TRPC7: variants seen among roughly 807,000 people sequenced by gnomAD.
The protein encoded by TRPC7 is transient receptor potential cation channel subfamily C member 7, also known as short transient receptor potential channel 7.
TRPC7 carries 42 observed loss-of-function variants against 90.1 expected under a neutral mutation model. The observed-to-expected ratio is 0.47, with a 90% confidence interval of 0.36 to 0.60. The LOEUF (loss-of-function observed/expected upper bound fraction) is 0.60. Ranked by LOEUF, TRPC7 falls within the 20% of genes least tolerant of loss-of-function variation. The probability of loss-of-function intolerance (pLI) is 0.00; values close to 1 mark genes in which losing one functional copy is unlikely to be tolerated. For missense variants in TRPC7, 955 were observed against 1,112.3 expected (o/e 0.86, Z 2.01); for synonymous variants, 451 against 436.3 (o/e 1.03, Z -0.42).
intron 3 of TRPC7, among the ~76,000 whole-genome samples, chr5:136,310,223 C>G (rs866057942): frequency 3.5e-4 from 54 of 152,288 alleles, no homozygotes; most frequent in African/African-American, 1.1e-3. Flanking sequence ...CCCTCCCCAC[C>G]TCAGAGGGAA....
intron 2 of TRPC7, among the ~76,000 whole-genome samples, chr5:136,339,961 G>A (rs991922408): frequency 1.6e-5 from 2 of 127,794 alleles, no homozygotes; most frequent in Non-Finnish European, 3.6e-5. Context: ...GAACTCAGGT[G>A]CATTAAAAAA....
chr5:136,216,132 A>G, intron 11 of TRPC7, 68 bp downstream of exon 11: 1 of 1,310,028 alleles, frequency 7.6e-7, no homozygotes, highest in Non-Finnish European at 1.1e-6. Flanking sequence ...CTGTGGCCGT[A>G]GCCCAGTGAG....
At position 136,274,760 on chromosome 5, in the gene TRPC7, A is replaced by G; in HGVS notation, c.1041T>C (p.Ser347=). Reference sequence around the variant, plus strand: ...AGACAGCCAGGAATTTCACAGCGATAGACTGTTGACGTAAGCCTGAGAGAT... The same window carrying G: ...AGACAGCCAGGAATTTCACAGCGATGGACTGTTGACGTAAGCCTGAGAGAT... ...YENLSGLRQQ[S]IAVKFLAVFG... Residue 347 remains serine (S), a synonymous_variant, in exon 4 of 12, where the codon TCT becomes TCC. Transcript: ENST00000513104. 6.2e-7 allele frequency: 1 copy of G among 1,610,112 alleles called. No individual in the cohort carries two copies. The highest frequency in any genetic ancestry group is 8.5e-7 in the Non-Finnish European group (1 of 1,178,272).
At chr5:136,345,210 A>G (rs569627884) in intron 2 of TRPC7, among the ~76,000 whole-genome samples, 1 of 152,220 alleles carries the variant, frequency 6.6e-6, no homozygotes. Context: ...TATAGTATTA[A>G]TTCAAATTTT....
At chr5:136,283,270 C>A (rs543554422) in intron 3 of TRPC7, among the ~76,000 whole-genome samples, 68 of 152,344 alleles carry the variant, frequency 4.5e-4, no homozygotes, top group Non-Finnish European at 8.8e-4. Flanking sequence ...GCTTTCTTTG[C>A]AAAGGCAGTT....
chr5:136,325,035 G>A (rs771799964), intron 2 of TRPC7, among the ~76,000 whole-genome samples: 3 of 149,522 alleles, frequency 2.0e-5, no homozygotes, highest in Non-Finnish European at 4.4e-5. Flanking sequence ...GTAAACCTGG[G>A]AGATATTTCT....
chr5:136,317,671 G>GA (rs1759063481), intron 2 of TRPC7, among the ~76,000 whole-genome samples: 1 of 152,200 alleles, frequency 6.6e-6, no homozygotes, highest in Non-Finnish European at 1.5e-5. Context: ...TGAGAACAAG[G>GA]AATCTCTGGA....
rs75411217 is a variant in TRPC7, at chr5:136,242,400, C to G, written c.1844+5071G>C. On this transcript the variant is annotated intron_variant, in intron 7 of 11. Coordinates refer to ENST00000513104, the MANE Select transcript of TRPC7 (RefSeq NM_020389.3). ...CCATGCTCCTCCCCTTAGGCCAGCA[C>G]TGGACACAGAAGTGGCTATGAAAAA... Among the ~76,000 whole-genome samples the G allele has an allele frequency of 2.4e-3, 364 of 152,278 alleles. 1 individual carries two copies. The highest frequency in any genetic ancestry group is 8.4e-3 in the African/African-American group (347 of 41,556).
intron 3 of TRPC7, among the ~76,000 whole-genome samples, chr5:136,293,609 A>T (rs1015994395): frequency 2.0e-5 from 3 of 152,188 alleles, no homozygotes; most frequent in African/African-American, 7.2e-5. Flanking sequence ...CTTCAAGGAG[A>T]ACTACAAACC....
chr5:136,351,142 T>G, intron 2 of TRPC7, among the ~76,000 whole-genome samples: 1 of 152,224 alleles, frequency 6.6e-6, no homozygotes, highest in Non-Finnish European at 1.5e-5. Context: ...TTGTGATTTT[T>G]TTTTCCAAAT....
In TRPC7 at chr5:136,251,872, C is replaced by A; in HGVS notation, c.1356G>T (p.Trp452Cys). ...CCTCCCAGATTTCCTTGCATTCGGA[C>A]CAAATCATTCCTGTGGGAGAAGGAG... ...LIMKWVLGMI[W>C]SECKEIWEEG... is the part of the protein sequence containing the mutation. The change falls in exon 6 of 12, where the codon TGG becomes TGT. Residue 452 changes from tryptophan to cysteine, a missense_variant. Physicochemically the swap from Trp to Cys is radical, Grantham distance 215. Around this residue, in one of 4 missense-constraint regions of TRPC7, gnomAD observed 484 missense variants for 509.6 expected, o/e 0.95. Coordinates refer to ENST00000513104, the MANE Select transcript of TRPC7 (RefSeq NM_020389.3). The A allele has an allele frequency of 6.2e-7, 1 of 1,613,366 alleles. No individual in the cohort carries two copies. The highest frequency in any genetic ancestry group is 8.5e-7 in the Non-Finnish European group (1 of 1,179,396).
intron 2 of TRPC7, among the ~76,000 whole-genome samples, chr5:136,352,203 C>T (rs1760215446): frequency 1.3e-5 from 2 of 152,162 alleles, no homozygotes; most frequent in Non-Finnish European, 1.5e-5. Flanking sequence ...GATACCCCTA[C>T]CCCATACTGC....
At chr5:136,219,077 G>T (rs1244023246) in intron 10 of TRPC7, among the ~76,000 whole-genome samples, 1 of 152,214 alleles carries the variant, frequency 6.6e-6, no homozygotes, top group Admixed American at 6.5e-5. Flanking sequence ...TAGTCAAAGA[G>T]GGTTTGGGCT....
At chr5:136,324,331 T>TATCA (rs757771219) in intron 2 of TRPC7, among the ~76,000 whole-genome samples, 11 of 152,184 alleles carry the variant, frequency 7.2e-5, no homozygotes, top group Admixed American at 4.6e-4. Flanking sequence ...GCTTTGAAGA[T>TATCA]TGATAAGTTT....
intron 2 of TRPC7, among the ~76,000 whole-genome samples, chr5:136,341,555 G>A (rs1329838615): frequency 6.6e-6 from 1 of 151,928 alleles, no homozygotes; most frequent in Non-Finnish European, 1.5e-5. Context: ...GCTGAGTCTG[G>A]GAATTGACAC....
intron 4 of TRPC7, among the ~76,000 whole-genome samples, chr5:136,268,324 G>A (rs781042370): frequency 9.9e-5 from 15 of 152,028 alleles, no homozygotes; most frequent in Non-Finnish European, 1.6e-4. Flanking sequence ...GAGGAGAATA[G>A]ATGAGGAGAG....
intron 2 of TRPC7, among the ~76,000 whole-genome samples, chr5:136,326,931 G>C (rs565650009): frequency 6.6e-5 from 10 of 152,258 alleles, no homozygotes; most frequent in Non-Finnish European, 1.2e-4. Context: ...TAGAAGACCT[G>C]GGGGGAGGTG....
At chr5:136,264,857 C>T (rs1756973172) in intron 5 of TRPC7, among the ~76,000 whole-genome samples, 1 of 152,130 alleles carries the variant, frequency 6.6e-6, no homozygotes, top group Non-Finnish European at 1.5e-5. Context: ...TTCCAAAGTG[C>T]TGGGTTTACA....
chr5:136,313,639 C>T (rs968026753), intron 3 of TRPC7, among the ~76,000 whole-genome samples: 13 of 152,204 alleles, frequency 8.5e-5, no homozygotes, highest in African/African-American at 3.1e-4. Context: ...AGTCTGTCTG[C>T]TGTCGCATGA....
Sources: gnomAD v4.1 joint callset for allele counts (sites outside exome capture counted in the v4.1 genomes callset) on GRCh38, gnomAD v4.1.1 for gene constraint, gnomAD v4.1.1 regional missense constraint, MANE v1.5 for transcripts, NCBI Gene and HGNC (gene_info 2026-07-23, HGNC 2026-07-21) for gene names.